The following RHOA variants were observed in gnomAD, a reference collection of about 807,000 sequenced individuals.
RHOA encodes ras homolog family member A.
In RHOA, 3 loss-of-function variants were observed where a neutral mutation model predicts 17.5. The observed-to-expected ratio is 0.17, with a 90% CI of 0.08 to 0.44. The LOEUF is 0.44. Ranked by LOEUF, RHOA falls within the 20% of genes least tolerant of loss-of-function variation. The pLI is 0.99. For missense variants in RHOA, 56 were observed against 242.3 expected (o/e 0.23, Z 5.10); for synonymous variants, 98 against 88.4 (o/e 1.11, Z -0.61).
At chr3:49,374,411 TACG>T (rs1323717545) in intron 2 of RHOA, among the ~76,000 whole-genome samples, 3 of 151,952 alleles carry the variant, frequency 2.0e-5, no homozygotes, top group Non-Finnish European at 4.4e-5. Context: ...ACTTCAAATA[TACG>T]TAAACTTGAA....
intron 1 of RHOA, among the ~76,000 whole-genome samples, chr3:49,382,978 C>T (rs1339922593): frequency 1.3e-5 from 2 of 151,654 alleles, no homozygotes; most frequent in Non-Finnish European, 2.9e-5. Flanking sequence ...CACTTGAACA[C>T]AGGAGGCAAA....
rs1559512133 is a variant in RHOA at position 49,393,670 on chromosome 3, CTCTCTCTGTGTGTGTGTGTG to C, written c.-2-18099_-2-18080del. 2.4e-3 allele frequency among the ~76,000 whole-genome samples: 234 copies of C among 97,258 alleles called. 9 individuals are homozygous for C. The highest frequency in any genetic ancestry group is 0.013 in the East Asian group (55 of 4,080). The allele number at this position is 97,258 out of a possible 152,430, so 63.8% of individuals were successfully genotyped here. A position where few individuals can be genotyped will look rare whatever the true frequency, so the allele number is the denominator to read the frequency against. ...GACCACAGGTCCCTTGTCTCAAATT[CTCTCTCTGTGTGTGTGTGTG>C]TGTGTGTGTGTGTGTGTGTGTGTGT... is the stretch of plus-strand genomic sequence containing the variant. On this transcript the variant is annotated intron_variant, in intron 1 of 4. Transcript: ENST00000418115.
At chr3:49,393,727 T>A (rs7650253) in intron 1 of RHOA, among the ~76,000 whole-genome samples, 87,534 of 132,150 alleles carry the variant, frequency 0.66, 29,639 homozygotes, top group South Asian at 0.75. Flanking sequence ...TGTGTGTGTG[T>A]GTGACAGAAT....
chr3:49,399,151 C>T (rs9861027), intron 1 of RHOA, among the ~76,000 whole-genome samples: 35,689 of 149,048 alleles, frequency 0.24, 4,550 homozygotes, highest in Middle Eastern at 0.29. Flanking sequence ...AGGCAGATCA[C>T]GAGGTCAGGA....
chr3:49,404,457 CA>C (rs901808603), intron 1 of RHOA, among the ~76,000 whole-genome samples: 3 of 146,876 alleles, frequency 2.0e-5, no homozygotes, highest in African/African-American at 7.5e-5. Flanking sequence ...CACACACACA[CA>C]AAATTAGCCG....
At chr3:49,368,352 G>A in intron 3 of RHOA, 76 bp downstream of exon 3, 1 of 1,541,542 alleles carries the variant, frequency 6.5e-7, no homozygotes. Flanking sequence ...CTGCTTTTCA[G>A]CCACTTGATG....
chr3:49,380,877 C>T (rs2048305761), intron 1 of RHOA, among the ~76,000 whole-genome samples: 1 of 151,682 alleles, frequency 6.6e-6, no homozygotes, highest in South Asian at 2.1e-4. Context: ...GCTGACAGTG[C>T]TGCCATTACT....
At chr3:49,364,442 G>C (rs752420203) in intron 3 of RHOA, among the ~76,000 whole-genome samples, 1 of 151,560 alleles carries the variant, frequency 6.6e-6, no homozygotes. Flanking sequence ...CCGAGATCGT[G>C]CCATTGCACT....
At chr3:49,393,762 T>G (rs1245625394) in intron 1 of RHOA, among the ~76,000 whole-genome samples, 5 of 147,492 alleles carry the variant, frequency 3.4e-5, no homozygotes, top group Non-Finnish European at 7.4e-5. Flanking sequence ...CAGGCTGGAG[T>G]GCAGTGGTGC....
At chr3:49,362,886 A>G (rs182246457) in intron 3 of RHOA, among the ~76,000 whole-genome samples, 1 of 152,288 alleles carries the variant, frequency 6.6e-6, no homozygotes, top group African/African-American at 2.4e-5. Flanking sequence ...AGGGCTCTGG[A>G]GGAGCAAAAG....
At chr3:49,376,946 T>C (rs2048237693) in intron 1 of RHOA, among the ~76,000 whole-genome samples, 2 of 151,480 alleles carry the variant, frequency 1.3e-5, no homozygotes, top group South Asian at 4.2e-4. Context: ...CTGGCCAACA[T>C]GGAGAAACCC....
intron 1 of RHOA, 56 bp downstream of exon 1, chr3:49,411,764 T>C (rs1160888452): frequency 6.6e-6 from 1 of 151,224 alleles, no homozygotes; most frequent in African/African-American, 2.4e-5. Flanking sequence ...GCCGGAAGAG[T>C]ACCGGGCTGG....
chr3:49,402,126 C>T (rs1024812955), intron 1 of RHOA, among the ~76,000 whole-genome samples: 4 of 152,118 alleles, frequency 2.6e-5, no homozygotes, highest in Non-Finnish European at 4.4e-5. Context: ...GGTAACATAC[C>T]GTCAAGTTTC....
At chr3:49,388,193 G>GGT (rs910268067) in intron 1 of RHOA, among the ~76,000 whole-genome samples, 1 of 151,406 alleles carries the variant, frequency 6.6e-6, no homozygotes, top group African/African-American at 2.4e-5. Flanking sequence ...TATTTGTGTG[G>GGT]GTGTGTGTGT....
chr3:49,390,894 C>T (rs897945407), intron 1 of RHOA, among the ~76,000 whole-genome samples: 3 of 151,814 alleles, frequency 2.0e-5, no homozygotes, highest in Non-Finnish European at 2.9e-5. Context: ...ACCAGCCTGG[C>T]CAACGTGGTG....
intron 2 of RHOA, among the ~76,000 whole-genome samples, chr3:49,372,432 T>C (rs534895965): frequency 6.6e-6 from 1 of 152,256 alleles, no homozygotes; most frequent in Non-Finnish European, 1.5e-5. Context: ...TCACTCTGTA[T>C]TTGAATAAAA....
At chr3:49,370,727 C>T (rs1276671266) in intron 2 of RHOA, among the ~76,000 whole-genome samples, 1 of 152,122 alleles carries the variant, frequency 6.6e-6, no homozygotes, top group Non-Finnish European at 1.5e-5. Flanking sequence ...CAACACTGCC[C>T]AGCACTGCAC....
intron 1 of RHOA, among the ~76,000 whole-genome samples, chr3:49,393,729 T>TGTGTGTGTGAGA (rs1553635013): frequency 3.7e-5 from 5 of 136,746 alleles, no homozygotes; most frequent in Admixed American, 7.5e-5. Flanking sequence ...TGTGTGTGTG[T>TGTGTGTGTGAGA]GACAGAATCT....
At chr3:49,368,594 ACCCACTTTT>A (rs1337353715) in intron 2 of RHOA, 46 bp from the exon 3 acceptor site, 1 of 1,610,668 alleles carries the variant, frequency 6.2e-7, no homozygotes, top group Admixed American at 1.7e-5. Flanking sequence ...TAATCCCCCC[ACCCACTTTT>A]AGAAAAAGTG....
Sources: allele counts gnomAD v4.1 joint callset (sites outside exome capture counted in the v4.1 genomes callset), GRCh38; gene constraint gnomAD v4.1.1; transcripts MANE v1.5; gene names NCBI Gene and HGNC (gene_info 2026-07-23, HGNC 2026-07-21).